Variants in APBB2 observed in about 807,000 individuals in gnomAD.
The protein encoded by APBB2 is amyloid beta precursor protein binding family B member 2.
A neutral mutation model predicts 82.5 loss-of-function variants in APBB2; 38 were observed. The observed-to-expected ratio is 0.46, with a 90% CI of 0.36 to 0.60. The LOEUF is 0.60. Ranked by LOEUF, APBB2 falls within the 20% of genes least tolerant of loss-of-function variation. The pLI, the probability that APBB2 is intolerant of heterozygous loss-of-function variation, is 0.00. For missense variants in APBB2, 772 were observed against 972.3 expected (o/e 0.79, Z 2.74); for synonymous variants, 341 against 368.2 (o/e 0.93, Z 0.85).
At chr4:40,863,341 T>A (rs2154336185) in intron 12 of APBB2, among the ~76,000 whole-genome samples, 1 of 152,320 alleles carries the variant, frequency 6.6e-6, no homozygotes. Context: ...GGCAGGACCT[T>A]AAGGTAGATC....
At chr4:41,087,260 A>G (rs1043140954) in intron 3 of APBB2, among the ~76,000 whole-genome samples, 3 of 152,236 alleles carry the variant, frequency 2.0e-5, no homozygotes, top group African/African-American at 7.2e-5. Flanking sequence ...TGCAATTCCT[A>G]TTAAAACCCC....
At chr4:41,157,647 G>A (rs1476660431) in intron 1 of APBB2, among the ~76,000 whole-genome samples, 3 of 152,234 alleles carry the variant, frequency 2.0e-5, no homozygotes, top group African/African-American at 7.2e-5. Context: ...TACAGGGGCA[G>A]TGAGAAAGAA....
intron 3 of APBB2, among the ~76,000 whole-genome samples, chr4:41,070,137 A>G (rs948262933): frequency 1.3e-5 from 2 of 152,186 alleles, no homozygotes; most frequent in African/African-American, 4.8e-5. Flanking sequence ...GGGCAGTAAG[A>G]TAAATAGTCA....
intron 12 of APBB2, among the ~76,000 whole-genome samples, chr4:40,875,153 G>A (rs1766565578): frequency 6.6e-6 from 1 of 152,290 alleles, no homozygotes; most frequent in Middle Eastern, 3.4e-3. Context: ...TGAGCAGCAG[G>A]GAACATGTCA....
At chr4:40,857,156 G>T in intron 12 of APBB2, 1 of 985,506 alleles carries the variant, frequency 1.0e-6, no homozygotes, top group Non-Finnish European at 1.2e-6. Context: ...GGCTCAAGTT[G>T]AAGAGAGCGG....
chr4:40,845,948 A>AT (rs954781376), intron 12 of APBB2, among the ~76,000 whole-genome samples: 1 of 110,688 alleles, frequency 9.0e-6, no homozygotes, highest in African/African-American at 3.5e-5. Context: ...CTGACAGTTT[A>AT]TTTTTTCCCT....
intron 7 of APBB2, among the ~76,000 whole-genome samples, chr4:40,936,973 T>C (rs1785528676): frequency 6.6e-6 from 1 of 152,232 alleles, no homozygotes; most frequent in African/African-American, 2.4e-5. Flanking sequence ...AGTGACCAAT[T>C]TCGGTTTGGA....
chr4:41,058,433 C>T (rs1728590347), intron 4 of APBB2, among the ~76,000 whole-genome samples: 1 of 152,146 alleles, frequency 6.6e-6, no homozygotes, highest in African/African-American at 2.4e-5. Context: ...AGATTATGTA[C>T]TAGGTATGTG....
chr4:40,841,979 C>A (rs1755963609), intron 12 of APBB2, among the ~76,000 whole-genome samples: 1 of 152,228 alleles, frequency 6.6e-6, no homozygotes, highest in Admixed American at 6.5e-5. Flanking sequence ...CACGCCCGGC[C>A]ATGATATTAA....
At chr4:41,103,515 T>C (rs1268867965) in intron 2 of APBB2, among the ~76,000 whole-genome samples, 1 of 152,136 alleles carries the variant, frequency 6.6e-6, no homozygotes, top group African/African-American at 2.4e-5. Flanking sequence ...ATGGATAGTT[T>C]TTTAAAATCT....
At chr4:40,877,704 T>C (rs1442161513) in intron 12 of APBB2, among the ~76,000 whole-genome samples, 1 of 152,210 alleles carries the variant, frequency 6.6e-6, no homozygotes, top group African/African-American at 2.4e-5. Flanking sequence ...CATTTGATTC[T>C]GTGAGTTGAA....
In APBB2 at chr4:40,936,990, T is replaced by C. The variant is rs1299454291; in HGVS notation, c.1045-1851A>G. Among the ~76,000 whole-genome samples the C allele has an allele frequency of 2.0e-5, 3 of 152,308 alleles. No homozygotes were observed. The East Asian group carries it at 5.8e-4, about 29-fold the overall frequency. On this transcript the variant is annotated intron_variant, in intron 7 of 17. Transcript: ENST00000508593. ...TGACCAATTTCGGTTTGGACCACTG[T>C]AGGGCTACTAATATGGATGTGAGAT...
chr4:40,887,750 T>C (rs1246977074), intron 12 of APBB2, among the ~76,000 whole-genome samples: 1 of 152,104 alleles, frequency 6.6e-6, no homozygotes, highest in Non-Finnish European at 1.5e-5. Context: ...CTGCTAGCTA[T>C]GTGGAACCCT....
intron 17 of APBB2, 46 bp downstream of exon 17, chr4:40,821,825 T>C (rs1577678727): frequency 1.2e-6 from 2 of 1,603,842 alleles, no homozygotes; most frequent in African/African-American, 1.3e-5. Context: ...ATATTAGAGA[T>C]GAGCAGAGGC....
At chr4:41,151,310 T>G (rs1210230608) in intron 1 of APBB2, among the ~76,000 whole-genome samples, 1 of 152,214 alleles carries the variant, frequency 6.6e-6, no homozygotes, top group African/African-American at 2.4e-5. Flanking sequence ...CAACAGAACT[T>G]TCTTCAATTA....
At chr4:41,157,703 C>T (rs752043951) in intron 1 of APBB2, among the ~76,000 whole-genome samples, 1 of 152,140 alleles carries the variant, frequency 6.6e-6, no homozygotes, top group Non-Finnish European at 1.5e-5. Flanking sequence ...CTGAGAGCTA[C>T]GACTCCAGGC....
chr4:41,040,774 A>C (rs1321221355), intron 4 of APBB2, among the ~76,000 whole-genome samples: 3 of 152,164 alleles, frequency 2.0e-5, no homozygotes, highest in Non-Finnish European at 4.4e-5. Flanking sequence ...ATGGCAACTA[A>C]AAAAAAGGGG....
intron 2 of APBB2, among the ~76,000 whole-genome samples, chr4:41,118,867 C>T (rs1460328247): frequency 2.0e-5 from 3 of 152,114 alleles, no homozygotes; most frequent in East Asian, 1.9e-4. Context: ...TGGCCGGGCG[C>T]GGTGGCTCAC....
At position 41,198,506 on chromosome 4, in the gene APBB2, G is replaced by A; in HGVS notation, c.-417+15899C>T. 3.8e-3 allele frequency among the ~76,000 whole-genome samples: 580 copies of A among 152,232 alleles called. 3 individuals are homozygous for A. The highest frequency in any genetic ancestry group is 0.013 in the African/African-American group (534 of 41,528). On this transcript the variant is annotated intron_variant, in intron 1 of 17. Coordinates refer to ENST00000508593, the MANE Select transcript of APBB2 (RefSeq NM_004307.2). ...ATCCTCAAAACAACTATAGGAAGATGGTGTTCTTTTTAGTCCTATTTTACA... is the reference window on the plus strand; with the variant it reads ...ATCCTCAAAACAACTATAGGAAGATAGTGTTCTTTTTAGTCCTATTTTACA...
Sources: allele counts gnomAD v4.1 joint callset (sites outside exome capture counted in the v4.1 genomes callset), GRCh38; gene constraint gnomAD v4.1.1; transcripts MANE v1.5; gene names NCBI Gene and HGNC (gene_info 2026-07-23, HGNC 2026-07-21).